The following AHNAK variants were observed in gnomAD, a reference collection of about 807,000 sequenced individuals.
AHNAK encodes the protein neuroblast differentiation-associated protein AHNAK.
AHNAK carries 23 observed loss-of-function variants against 37.8 expected under a neutral mutation model. That is an observed-to-expected ratio of 0.61 (90% CI 0.44 to 0.86). AHNAK has a LOEUF of 0.86. Ranked by LOEUF, AHNAK falls within the 40% of genes least tolerant of loss-of-function variation. AHNAK has a pLI of 0.00. For synonymous variants in AHNAK, 2,481 were observed against 2,636.3 expected (o/e 0.94, Z 1.80); for missense variants, 7,411 against 7,319.4 (o/e 1.01, Z -0.46).
At chr11:62,454,980 G>A (rs1938626783) in intron 5 of AHNAK, among the ~76,000 whole-genome samples, 1 of 149,146 alleles carries the variant, frequency 6.7e-6, no homozygotes, top group African/African-American at 2.5e-5. Flanking sequence ...CCAGGCTGGA[G>A]TGAAGTGGCA....
intron 4 of AHNAK, among the ~76,000 whole-genome samples, chr11:62,510,336 G>A (rs951358365): frequency 3.0e-4 from 45 of 152,130 alleles, no homozygotes; most frequent in African/African-American, 8.0e-4. Flanking sequence ...GAGCCACTGC[G>A]CCCGCCCTCT....
intron 5 of AHNAK, among the ~76,000 whole-genome samples, chr11:62,473,084 CAAAAAAAAAA>C (rs71056522): frequency 1.2e-4 from 2 of 17,274 alleles, no homozygotes; most frequent in African/African-American, 2.7e-4. Context: ...GACTCCATCT[CAAAAAAAAAA>C]AAAAAAAAAA....
intron 5 of AHNAK, among the ~76,000 whole-genome samples, chr11:62,467,072 C>T (rs915397431): frequency 1.3e-5 from 2 of 151,972 alleles, no homozygotes; most frequent in African/African-American, 2.4e-5. Flanking sequence ...GGCCTGGAGG[C>T]GCATGCCTGT....
At position 62,519,399 on chromosome 11, in the gene AHNAK, G is replaced by T; in HGVS notation, c.15018C>A (p.Asn5006Lys). ...LDVTVPEAEL[N>K]LETPEISVGG... ...CAACACTAATTTCAGGAGTCTCAAGGTTCAGCTCTGCCTCAGGAACAGTGA... is the reference window on the plus strand; with the variant it reads ...CAACACTAATTTCAGGAGTCTCAAGTTTCAGCTCTGCCTCAGGAACAGTGA... Residue 5006 changes from asparagine to lysine, a missense_variant, in exon 5 of 5, where the codon AAC (asparagine) becomes AAA (lysine). Physicochemically the swap from Asn to Lys is moderately conservative, Grantham distance 94. Coordinates refer to ENST00000378024, the MANE Select transcript of AHNAK (RefSeq NM_001620.3). The T allele has an allele frequency of 1.9e-6, 3 of 1,613,638 alleles. No homozygotes were observed. Among genetic ancestry groups the T allele is most frequent in the Non-Finnish European group, 2.5e-6 (3 of 1,179,814 alleles).
intron 5 of AHNAK, among the ~76,000 whole-genome samples, chr11:62,481,437 C>T (rs1209993866): frequency 6.6e-6 from 1 of 151,760 alleles, no homozygotes; most frequent in East Asian, 1.9e-4. Flanking sequence ...ATTTCCCTTG[C>T]ACCATCTTTG....
At chr11:62,456,612 C>G (rs2134816154) in intron 5 of AHNAK, among the ~76,000 whole-genome samples, 1 of 152,210 alleles carries the variant, frequency 6.6e-6, no homozygotes, top group East Asian at 1.9e-4. Context: ...GGCCCCATAG[C>G]TCCAGGCTGC....
At position 62,520,918 on chromosome 11, in the gene AHNAK, C is replaced by A. The variant is rs139984304; in HGVS notation, c.13499G>T (p.Gly4500Val). ...CTTAAACTTGGGACCTTTGAGCTTC[C>A]CTTCAGGACCTTCAATGTCTACCTC... Reference protein sequence around the residue: ...GPEVDIEGPEGKLKGPKFKMP... With the variant: ...GPEVDIEGPEVKLKGPKFKMP... The change falls in exon 5 of 5, where the codon GGG becomes GTG. Residue 4500 changes from glycine (G) to valine (V), a missense_variant. Gly to Val is a moderately radical substitution (Grantham distance 109). Coordinates refer to ENST00000378024, the MANE Select transcript of AHNAK (RefSeq NM_001620.3). 7.4e-6 allele frequency: 12 copies of A among 1,614,122 alleles called. No homozygotes were observed. Among genetic ancestry groups the A allele is most frequent in the Non-Finnish European group, 1.0e-5 (12 of 1,180,026 alleles).
At chr11:62,504,093 G>A (rs1019704077) in intron 4 of AHNAK, among the ~76,000 whole-genome samples, 2 of 151,446 alleles carry the variant, frequency 1.3e-5, no homozygotes, top group African/African-American at 2.4e-5. Flanking sequence ...CTCAGGAGGT[G>A]GAGGTTGCAG....
chr11:62,474,847 C>G (rs763056106), intron 5 of AHNAK, among the ~76,000 whole-genome samples: 1 of 152,148 alleles, frequency 6.6e-6, no homozygotes, highest in Non-Finnish European at 1.5e-5. Flanking sequence ...CTTCTCCCAC[C>G]TTCAGGCCTC....
chr11:62,524,696 G>C lies in AHNAK; in HGVS notation c.9721C>G (p.Leu3241Val). 5.6e-6 allele frequency: 9 copies of C among 1,614,224 alleles called. No homozygotes were observed. The highest frequency in any genetic ancestry group is 7.6e-6 in the Non-Finnish European group (9 of 1,180,042). Residue 3241 changes from leucine to valine, a missense_variant, in exon 5 of 5, where the codon CTT becomes GTT. Physicochemically the swap from Leu to Val is conservative, Grantham distance 32. Transcript: ENST00000378024. Reference protein sequence around the residue: ...PKMKGEVDVSLANVEGDLKGP... With the variant: ...PKMKGEVDVSVANVEGDLKGP... ...TTCAAATCACCTTCTACATTTGCAA[G>C]TGAAACATCCACCTCTCCTTTCATT... is the stretch of plus-strand genomic sequence containing the variant.
chr11:62,471,306 A>G (rs989784177), intron 5 of AHNAK, among the ~76,000 whole-genome samples: 5 of 152,266 alleles, frequency 3.3e-5, no homozygotes, highest in Non-Finnish European at 4.4e-5. Context: ...GGGGGCTTCC[A>G]CTGGCATCCA....
downstream of AHNAK, among the ~76,000 whole-genome samples, chr11:62,514,461 G>A (rs1374737438): frequency 6.6e-6 from 1 of 152,224 alleles, no homozygotes; most frequent in Non-Finnish European, 1.5e-5. Flanking sequence ...CGGCTGGAGT[G>A]TGCGTGTAGC....
chr11:62,443,786 G>A (rs1938364616), intron 5 of AHNAK, among the ~76,000 whole-genome samples: 1 of 152,208 alleles, frequency 6.6e-6, no homozygotes, highest in African/African-American at 2.4e-5. Flanking sequence ...TGATGAAAGA[G>A]GAACCTAGAA....
intron 5 of AHNAK, among the ~76,000 whole-genome samples, chr11:62,490,312 C>T (rs1939483775): frequency 6.9e-6 from 1 of 145,384 alleles, no homozygotes; most frequent in African/African-American, 2.6e-5. Flanking sequence ...AGCGATTCTT[C>T]TGCCTCAGCC....
chr11:62,480,887 G>A (rs140480819), intron 5 of AHNAK, among the ~76,000 whole-genome samples: 22 of 148,580 alleles, frequency 1.5e-4, no homozygotes, highest in South Asian at 1.3e-3. Flanking sequence ...AGAAATGCTC[G>A]TTGCCTAGGC....
rs548871322 is a variant in AHNAK, at chr11:62,434,910, A to G, written c.443-1019T>C. 4.1e-5 allele frequency among the ~76,000 whole-genome samples: 6 copies of G among 146,146 alleles called. No homozygotes were observed. In the South Asian group the frequency reaches 1.3e-3, roughly 32 times the overall value. On this transcript the variant is annotated intron_variant, in intron 5 of 5. Transcript: ENST00000257247. ...ATCCTGTCACTGCACTTCAGCCTGG[A>G]CAACATGGCAAGACCCTGTCTCAAA... is the stretch of plus-strand genomic sequence containing the variant.
rs2134230906 is a variant in AHNAK at position 62,529,065 on chromosome 11, T to A, written c.5352A>T (p.Pro1784=). 1 of 1,613,832 alleles carries A rather than the reference T, an allele frequency of 6.2e-7. No individual in the cohort carries two copies. The highest frequency in any genetic ancestry group is 1.1e-5 in the South Asian group (1 of 91,062). ...LNIKAPKVSM[P]DVDLNLKGPK... is the part of the protein sequence containing the mutation. ...GTCCCTTCAAATTCAAGTCCACATC[T>A]GGCATGGAGACCTTGGGAGCTTTTA... Residue 1784 remains proline (P), a synonymous_variant, in exon 5 of 5, where the codon CCA becomes CCT. Coordinates refer to ENST00000378024, the MANE Select transcript of AHNAK (RefSeq NM_001620.3).
intron 5 of AHNAK, among the ~76,000 whole-genome samples, chr11:62,462,593 C>T (rs1398594228): frequency 6.6e-6 from 1 of 152,128 alleles, no homozygotes; most frequent in African/African-American, 2.4e-5. Context: ...GGTTGATAAA[C>T]GGTAGATAGA....
At position 62,529,018 on chromosome 11, in the gene AHNAK, TC is replaced by T; in HGVS notation, c.5398del (p.Asp1800MetfsTer39). The part of the protein sequence containing the change: ...LKGPKLKGEI[D>X]ASVPELEGDL... ...ACCTTCCAGTTCTGGCACAGAAGCA[TC>T]TATCTCTCCCTTCAGTTTGGGTCCC... On this transcript the variant is annotated frameshift_variant, in exon 5 of 5. Transcript: ENST00000378024. LOFTEE classifies it low-confidence loss of function (END_TRUNC). 6.2e-7 allele frequency: 1 copy of T among 1,614,196 alleles called. No homozygotes were observed. Among genetic ancestry groups the T allele is most frequent in the Non-Finnish European group, 8.5e-7 (1 of 1,180,032 alleles).
Sources: gnomAD v4.1 joint callset for allele counts (sites outside exome capture counted in the v4.1 genomes callset) on GRCh38, gnomAD v4.1.1 for gene constraint, MANE v1.5 for transcripts, NCBI Gene and HGNC (gene_info 2026-07-23, HGNC 2026-07-21) for gene names.